FAM3D: variants seen among roughly 807,000 people sequenced by gnomAD.
FAM3D encodes protein FAM3D.
In FAM3D, 26 loss-of-function variants were observed where a neutral mutation model predicts 29.8. The ratio of observed to expected loss-of-function variants is 0.87; its 90% confidence interval spans 0.64 to 1.21. FAM3D has a LOEUF of 1.21. FAM3D is among the 50% of genes most tolerant of loss of function. The pLI, the probability that FAM3D is intolerant of heterozygous loss-of-function variation, is 0.00. For synonymous variants in FAM3D, 115 were observed against 102.3 expected (o/e 1.12, Z -0.75); for missense variants, 253 against 290.9 (o/e 0.87, Z 0.95).
In FAM3D at chr3:58,636,329, C is replaced by T. The variant is rs2066170155; in HGVS notation, c.550G>A (p.Ala184Thr). Residue 184 changes from alanine (A) to threonine (T), a missense_variant, in exon 9 of 10, where the codon GCC (alanine) becomes ACC (threonine). Physicochemically the swap from Ala to Thr is moderately conservative, Grantham distance 58. Transcript: ENST00000358781. ...GFRDSWVFIG[A>T]KDLRGKSPFE... Reference sequence around the variant, plus strand: ...GGGCTTTTACCCCTGAGGTCTTTGGCTCCTATGAAGACCCAGCTGTCCCGG... The same window carrying T: ...GGGCTTTTACCCCTGAGGTCTTTGGTTCCTATGAAGACCCAGCTGTCCCGG... The T allele has an allele frequency of 6.2e-7, 1 of 1,614,058 alleles. No individual in the cohort carries two copies. The highest frequency in any genetic ancestry group is 8.5e-7 in the Non-Finnish European group (1 of 1,180,042).
intron 1 of FAM3D, among the ~76,000 whole-genome samples, chr3:58,658,775 G>T (rs945777943): frequency 3.3e-5 from 5 of 152,186 alleles, no homozygotes; most frequent in African/African-American, 9.7e-5. Context: ...TGCAATTGAT[G>T]TATGGGAAAC....
At chr3:58,639,713 A>T (rs1559496447) in intron 7 of FAM3D, among the ~76,000 whole-genome samples, 1 of 152,020 alleles carries the variant, frequency 6.6e-6, no homozygotes, top group African/African-American at 2.4e-5. Context: ...CTGGTAAGAG[A>T]CCTGCGTGGG....
At chr3:58,664,006 C>T (rs867456230) in intron 1 of FAM3D, among the ~76,000 whole-genome samples, 5 of 152,180 alleles carry the variant, frequency 3.3e-5, no homozygotes, top group Non-Finnish European at 4.4e-5. Context: ...ATTCCCTCTG[C>T]GATGTGTGTG....
rs143488271 is a variant in FAM3D at position 58,641,729 on chromosome 3, A to G, written c.323-1552T>C. Among the ~76,000 whole-genome samples, 917 of 152,308 alleles carry G rather than the reference A, an allele frequency of 6.0e-3. 13 individuals carry two copies. The South Asian group carries it at 0.066, about 11-fold the overall frequency. On this transcript the variant is annotated intron_variant, in intron 6 of 9. Coordinates refer to ENST00000358781, the MANE Select transcript of FAM3D (RefSeq NM_138805.3). ...AAATGGGGATATTGAGCATAGCTCC[A>G]TCCTAACACAGTGATGGGGTTAAAT...
At chr3:58,647,776 C>G (rs1010036008) in intron 4 of FAM3D, among the ~76,000 whole-genome samples, 5 of 152,176 alleles carry the variant, frequency 3.3e-5, no homozygotes, top group African/African-American at 9.7e-5. Flanking sequence ...CCAACCCCCC[C>G]GGGAACCCTT....
chr3:58,638,154 G>A (rs2066228679), intron 7 of FAM3D, among the ~76,000 whole-genome samples: 1 of 152,188 alleles, frequency 6.6e-6, no homozygotes, highest in Admixed American at 6.5e-5. Flanking sequence ...AAAGTGCTGG[G>A]ATTACAGGCA....
chr3:58,637,089 G>C (rs981839317), intron 8 of FAM3D, 52 bp downstream of exon 8: 1 of 1,484,228 alleles, frequency 6.7e-7, no homozygotes, highest in South Asian at 1.1e-5. Flanking sequence ...AGGGTTTGAA[G>C]GTATTCAGTT....
chr3:58,652,569 A>G (rs578120061), intron 3 of FAM3D, among the ~76,000 whole-genome samples: 111 of 146,658 alleles, frequency 7.6e-4, no homozygotes, highest in African/African-American at 2.8e-3. Flanking sequence ...TCATCCATCC[A>G]TCCACCCTTC....
rs1489591096 is a variant in FAM3D at position 58,634,530 on chromosome 3, C to T, written c.586-162G>A. On this transcript the variant is annotated intron_variant, in intron 9 of 9. Transcript: ENST00000358781. The surrounding 1 kb of genome is among the most constrained non-coding windows in gnomAD (Gnocchi z 4.6). ...GCTCAGAGAGGGGATGCAACTTGCT[C>T]AAGATCTCAGAGATGGGATCAGAGC... The T allele has an allele frequency of 3.3e-6, 2 of 611,078 alleles. No homozygotes were observed. Among genetic ancestry groups the T allele is most frequent in the Middle Eastern group, 3.1e-4 (1 of 3,176 alleles). The allele number at this position is 611,078 out of a possible 1,614,324, so 37.9% of individuals were successfully genotyped here. A position where few individuals can be genotyped will look rare whatever the true frequency, so the allele number is the denominator to read the frequency against.
chr3:58,638,206 G>A (rs2066230094), intron 7 of FAM3D, among the ~76,000 whole-genome samples: 1 of 152,050 alleles, frequency 6.6e-6, no homozygotes, highest in African/African-American at 2.4e-5. Context: ...TTATTTTTAT[G>A]GTCACCTTCC....
chr3:58,642,248 T>C (rs748972356), intron 6 of FAM3D, among the ~76,000 whole-genome samples: 7 of 152,150 alleles, frequency 4.6e-5, no homozygotes, highest in Admixed American at 2.6e-4. Context: ...CTGACTCCCA[T>C]CTGTCCAGGA....
At chr3:58,647,576 C>G (rs1575480429) in intron 4 of FAM3D, among the ~76,000 whole-genome samples, 1 of 152,228 alleles carries the variant, frequency 6.6e-6, no homozygotes, top group East Asian at 1.9e-4. Context: ...GTCTGATAAA[C>G]CTGATGTCAA....
At chr3:58,666,489 A>G (rs3749289) in intron 1 of FAM3D, 87 bp downstream of exon 1, 45,898 of 151,092 alleles carry the variant, frequency 0.3, 8,623 homozygotes, top group East Asian at 0.46. Flanking sequence ...TTTCACTCCT[A>G]TTTCCCACCC....
chr3:58,649,192 C>T, intron 4 of FAM3D, 123 bp downstream of exon 4: 1 of 1,232,576 alleles, frequency 8.1e-7, no homozygotes, highest in Admixed American at 2.5e-5. Flanking sequence ...TCAGGAAGCC[C>T]AGGTTTCTCT....
At chr3:58,661,897 G>A (rs952285774) in intron 1 of FAM3D, among the ~76,000 whole-genome samples, 7 of 152,222 alleles carry the variant, frequency 4.6e-5, no homozygotes, top group African/African-American at 1.7e-4. Context: ...CTGAAGAACA[G>A]GGTGTGCTCC....
At chr3:58,659,164 G>A (rs1474987618) in intron 1 of FAM3D, among the ~76,000 whole-genome samples, 1 of 152,210 alleles carries the variant, frequency 6.6e-6, no homozygotes, top group Non-Finnish European at 1.5e-5. Context: ...CTGTCTGGAA[G>A]GGGTCCGCCG....
At chr3:58,652,958 A>C (rs554248555) in intron 3 of FAM3D, among the ~76,000 whole-genome samples, 1 of 104,590 alleles carries the variant, frequency 9.6e-6, no homozygotes, top group East Asian at 2.7e-4. Context: ...CCACCCACCC[A>C]TTTATCCATC....
chr3:58,657,211 G>A (rs2066829607), intron 1 of FAM3D, among the ~76,000 whole-genome samples: 1 of 152,168 alleles, frequency 6.6e-6, no homozygotes, highest in African/African-American at 2.4e-5. Flanking sequence ...CCCCATGTTA[G>A]AGGAGCCAGG....
At chr3:58,644,042 GA>G (rs2066410174) in intron 5 of FAM3D, among the ~76,000 whole-genome samples, 1 of 152,218 alleles carries the variant, frequency 6.6e-6, no homozygotes, top group African/African-American at 2.4e-5. Context: ...GCAGGACCCA[GA>G]AGGTTGCTGC....
Sources: gnomAD v4.1 joint callset for allele counts (sites outside exome capture counted in the v4.1 genomes callset) on GRCh38, gnomAD v4.1.1 for gene constraint, Gnocchi (gnomAD v3.1) non-coding constraint, MANE v1.5 for transcripts, NCBI Gene and HGNC (gene_info 2026-07-23, HGNC 2026-07-21) for gene names.